The following ARID2 variants were observed in gnomAD, a reference collection of about 807,000 sequenced individuals.
ARID2 encodes AT-rich interactive domain-containing protein 2.
Under a neutral mutation model 184.6 loss-of-function variants are expected in ARID2, and 32 were observed. That is an observed-to-expected ratio of 0.17 (90% CI 0.13 to 0.23). The LOEUF (loss-of-function observed/expected upper bound fraction) is 0.23. Among genes scored for constraint, ARID2 ranks in the 10% least tolerant of loss-of-function variants. The probability of loss-of-function intolerance (pLI) is 1.00; values close to 1 mark genes in which losing one functional copy is unlikely to be tolerated. For synonymous variants in ARID2, 836 were observed against 772.6 expected, an observed-to-expected ratio of 1.08 and a Z score of -1.36; for missense variants, 1,696 against 2,197.6, an observed-to-expected ratio of 0.77 and a Z score of 4.56.
chr12:45,735,417 TCGTGTGTGTGTG>T (rs1473865262), intron 3 of ARID2, among the ~76,000 whole-genome samples: 1 of 110,278 alleles, frequency 9.1e-6, no homozygotes, highest in African/African-American at 3.7e-5. Context: ...ATAAACTGTA[TCGTGTGTGTGTG>T]TGTGTGTGTG....
intron 3 of ARID2, among the ~76,000 whole-genome samples, chr12:45,736,300 T>C (rs1941119791): frequency 6.7e-6 from 1 of 150,170 alleles, no homozygotes; most frequent in South Asian, 2.1e-4. Flanking sequence ...GAGCTTGCAG[T>C]GAGCCGAGAT....
At chr12:45,783,051 T>C (rs1380035723) in intron 3 of ARID2, among the ~76,000 whole-genome samples, 1 of 151,904 alleles carries the variant, frequency 6.6e-6, no homozygotes, top group African/African-American at 2.4e-5. Flanking sequence ...CGAAAATTGC[T>C]TGAACCTGGG....
At chr12:45,852,926 A>G in intron 15 of ARID2, 30 bp downstream of exon 15, 1 of 1,513,322 alleles carries the variant, frequency 6.6e-7, no homozygotes, top group South Asian at 1.3e-5. Context: ...CATTTCTCTT[A>G]TGAAATTTCT....
intron 11 of ARID2, among the ~76,000 whole-genome samples, 199 bp from the exon 12 acceptor site, chr12:45,846,657 A>G (rs1454256471): frequency 6.6e-6 from 1 of 152,094 alleles, no homozygotes; most frequent in East Asian, 1.9e-4. Context: ...GTTCATATGA[A>G]TCCTCTAAGA....
At chr12:45,737,633 A>G (rs534317114) in intron 3 of ARID2, among the ~76,000 whole-genome samples, 2 of 152,036 alleles carry the variant, frequency 1.3e-5, no homozygotes, top group East Asian at 3.9e-4. Flanking sequence ...AAGATTGAAC[A>G]GTGGTTTTAG....
At chr12:45,783,342 T>C (rs1942132842) in intron 3 of ARID2, among the ~76,000 whole-genome samples, 1 of 152,166 alleles carries the variant, frequency 6.6e-6, no homozygotes, top group African/African-American at 2.4e-5. Context: ...TATCATAACA[T>C]GTAGGGGGTT....
chr12:45,852,408 A>T lies in ARID2; in HGVS notation c.4285A>T (p.Ser1429Cys), dbSNP rs747198269. 6.2e-7 allele frequency: 1 copy of T among 1,614,184 alleles called. No homozygotes were observed. Residue 1429 changes from serine to cysteine, a missense_variant, in exon 15 of 21, where the codon AGC becomes TGC. Transcript: ENST00000334344. ...PVLTLGGSSV[S>C]SIQEASNAAT... is the part of the protein sequence containing the mutation. ...ATTAACTTTGGGTGGTTCATCTGTG[A>T]GCAGTATACAGGAGGCTTCAAATGC...
At chr12:45,898,595 A>T (rs1357516631) in intron 20 of ARID2, among the ~76,000 whole-genome samples, 2 of 152,218 alleles carry the variant, frequency 1.3e-5, no homozygotes, top group African/African-American at 4.8e-5. Flanking sequence ...CCGTGAATAT[A>T]CTAAAAACGA....
chr12:45,794,035 T>A (rs1942342638), intron 3 of ARID2, among the ~76,000 whole-genome samples: 2 of 152,276 alleles, frequency 1.3e-5, no homozygotes, highest in South Asian at 2.1e-4. Flanking sequence ...CTGGAGCAGT[T>A]TTGAGTGTGT....
At chr12:45,847,779 T>C (rs2138152199) in intron 12 of ARID2, among the ~76,000 whole-genome samples, 1 of 152,232 alleles carries the variant, frequency 6.6e-6, no homozygotes, top group African/African-American at 2.4e-5. Context: ...ACTTTTCTAC[T>C]TTGCTTAAAT....
chr12:45,747,443 T>C (rs1326200860), intron 3 of ARID2, among the ~76,000 whole-genome samples: 1 of 152,162 alleles, frequency 6.6e-6, no homozygotes, highest in Non-Finnish European at 1.5e-5. Context: ...TGCTCCTAGT[T>C]TACTATCAGA....
At chr12:45,749,652 G>A (rs978570158) in intron 3 of ARID2, among the ~76,000 whole-genome samples, 1 of 152,180 alleles carries the variant, frequency 6.6e-6, no homozygotes, top group Non-Finnish European at 1.5e-5. Context: ...GTTTAGTGTA[G>A]CCAGTTCTAT....
intron 3 of ARID2, among the ~76,000 whole-genome samples, chr12:45,768,138 C>G (rs1219571980): frequency 6.6e-6 from 1 of 152,160 alleles, no homozygotes; most frequent in Non-Finnish European, 1.5e-5. Flanking sequence ...CTGGTGCAGC[C>G]AAGAACACAA....
At chr12:45,795,032 G>T (rs1942363883) in intron 3 of ARID2, among the ~76,000 whole-genome samples, 1 of 150,174 alleles carries the variant, frequency 6.7e-6, no homozygotes, top group African/African-American at 2.4e-5. Context: ...GTCGTTTTTT[G>T]TGTGTGGAAT....
At chr12:45,730,785 C>G (rs1222810782) in intron 2 of ARID2, among the ~76,000 whole-genome samples, 2 of 150,966 alleles carry the variant, frequency 1.3e-5, no homozygotes, top group Non-Finnish European at 2.9e-5. Context: ...ATGGATAGAT[C>G]TGGGAGAGGG....
chr12:45,749,196 G>A (rs1301022637), intron 3 of ARID2, among the ~76,000 whole-genome samples: 1 of 152,190 alleles, frequency 6.6e-6, no homozygotes, highest in African/African-American at 2.4e-5. Flanking sequence ...TCCATGGGCT[G>A]TAGAATGGAT....
At chr12:45,796,015 ATCTT>A (rs1942386266) in intron 3 of ARID2, among the ~76,000 whole-genome samples, 1 of 152,138 alleles carries the variant, frequency 6.6e-6, no homozygotes, top group African/African-American at 2.4e-5. Flanking sequence ...CGTTTTAGAT[ATCTT>A]TCTAATGTAC....
At chr12:45,823,120 T>G (rs1264311469) in intron 6 of ARID2, among the ~76,000 whole-genome samples, 1 of 152,134 alleles carries the variant, frequency 6.6e-6, no homozygotes, top group Non-Finnish European at 1.5e-5. Flanking sequence ...ATCAAGTGTC[T>G]TCTTATATCG....
intron 3 of ARID2, among the ~76,000 whole-genome samples, chr12:45,766,731 G>T (rs1285887496): frequency 6.6e-6 from 1 of 151,960 alleles, no homozygotes. Context: ...AGCCAGGATG[G>T]TCTCGATCTC....
Sources: allele counts gnomAD v4.1 joint callset (sites outside exome capture counted in the v4.1 genomes callset), GRCh38; gene constraint gnomAD v4.1.1; transcripts MANE v1.5; gene names NCBI Gene and HGNC (gene_info 2026-07-23, HGNC 2026-07-21).